The following NDUFAF6 variants were observed in gnomAD, a reference collection of about 807,000 sequenced individuals.
NDUFAF6 encodes NADH dehydrogenase (ubiquinone) complex I, assembly factor 6.
NDUFAF6 carries 45 observed loss-of-function variants against 40.8 expected under a neutral mutation model. The ratio of observed to expected loss-of-function variants is 1.10; its 90% CI spans 0.87 to 1.42. NDUFAF6 has a LOEUF of 1.42. Among genes scored for constraint, NDUFAF6 ranks in the 40% most tolerant of loss-of-function variants. The pLI is 0.00. For missense variants in NDUFAF6, 435 were observed against 418.5 expected, an observed-to-expected ratio of 1.04 and a Z score of -0.34; for synonymous variants, 185 against 155.9, an observed-to-expected ratio of 1.19 and a Z score of -1.39.
chr8:94,973,663 G>A (rs1192617650), intron 1 of NDUFAF6, among the ~76,000 whole-genome samples: 21 of 148,700 alleles, frequency 1.4e-4, no homozygotes, highest in East Asian at 4.0e-4. Context: ...AGCTAAGATC[G>A]CACCACTGCA....
intron 1 of NDUFAF6, among the ~76,000 whole-genome samples, chr8:94,978,915 C>T (rs1455595969): frequency 1.3e-5 from 2 of 152,134 alleles, no homozygotes; most frequent in South Asian, 2.1e-4. Flanking sequence ...CCTGTGGCAT[C>T]TACAGTAACT....
intron 8 of NDUFAF6, among the ~76,000 whole-genome samples, chr8:95,053,922 C>T (rs542479180): frequency 5.9e-5 from 7 of 119,110 alleles, no homozygotes; most frequent in Admixed American, 2.9e-4. Flanking sequence ...CCACCGTGCC[C>T]GGCTTTTTTT....
chr8:95,006,091 C>G (rs1287647250), intron 2 of NDUFAF6, among the ~76,000 whole-genome samples: 1 of 152,100 alleles, frequency 6.6e-6, no homozygotes, highest in Admixed American at 6.5e-5. Flanking sequence ...GGCGCGGTGG[C>G]TCACGCCTGT....
At chr8:94,979,930 T>G (rs192637064) in intron 1 of NDUFAF6, among the ~76,000 whole-genome samples, 298 of 152,150 alleles carry the variant, frequency 2.0e-3, no homozygotes, top group African/African-American at 6.8e-3. Flanking sequence ...ACCTCATCTC[T>G]ACTGAAAATA....
intron 2 of NDUFAF6, among the ~76,000 whole-genome samples, chr8:94,982,429 A>G (rs962651219): frequency 2.0e-5 from 3 of 152,224 alleles, no homozygotes; most frequent in African/African-American, 7.2e-5. Context: ...ACTCTATGAT[A>G]TTTGAACAAT....
At chr8:94,978,148 C>T (rs1306102716) in intron 1 of NDUFAF6, among the ~76,000 whole-genome samples, 1 of 152,116 alleles carries the variant, frequency 6.6e-6, no homozygotes, top group Non-Finnish European at 1.5e-5. Context: ...AGCAGAAAGA[C>T]CAAGCCATGA....
chr8:95,063,454 G>T (rs577771699), downstream of NDUFAF6, among the ~76,000 whole-genome samples: 216 of 152,106 alleles, frequency 1.4e-3, 2 homozygotes, highest in Non-Finnish European at 3.5e-4. Context: ...AAAATTATCC[G>T]GGCATGGTGG....
At chr8:95,041,763 C>A in intron 4 of NDUFAF6, 137 bp downstream of exon 4, 2 of 758,498 alleles carry the variant, frequency 2.6e-6, no homozygotes, top group African/African-American at 1.7e-5. Flanking sequence ...CCATTTTATT[C>A]ATACTTTACC....
At chr8:95,024,787 G>A (rs979627463), upstream of NDUFAF6, among the ~76,000 whole-genome samples, 2 of 152,234 alleles carry the variant, frequency 1.3e-5, no homozygotes, top group African/African-American at 4.8e-5. Context: ...AGCCCAGGAG[G>A]GGTCGGACGG....
chr8:95,052,092 G>A, intron 7 of NDUFAF6, 82 bp from the exon 8 acceptor site: 1 of 1,331,398 alleles, frequency 7.5e-7, no homozygotes, highest in Non-Finnish European at 1.1e-6. Context: ...TATCAGTATT[G>A]TTAAACTGCT....
intron 4 of NDUFAF6, among the ~76,000 whole-genome samples, chr8:95,045,178 G>T (rs999664682): frequency 6.6e-6 from 1 of 152,014 alleles, no homozygotes; most frequent in Admixed American, 6.6e-5. Context: ...ATCTCTTGGA[G>T]GGGGGGTTGT....
chr8:94,958,272 G>C (rs576693160), intron 1 of NDUFAF6: 2 of 152,350 alleles, frequency 1.3e-5, no homozygotes, highest in South Asian at 4.1e-4. Flanking sequence ...GAACAGAAAG[G>C]TATTTTCTTG....
rs1832455139 is a variant in NDUFAF6, at chr8:95,058,461, C to T, written c.*524C>T. The T allele has an allele frequency of 5.7e-6, 7 of 1,230,120 alleles. No individual in the cohort carries two copies. In the South Asian group the frequency reaches 2.1e-4, roughly 37 times the overall value. The allele number at this position is 1,230,120 out of a possible 1,614,324, so 76.2% of individuals were successfully genotyped here. A position where few individuals can be genotyped will look rare whatever the true frequency, so the allele number is the denominator to read the frequency against. On this transcript the variant is annotated 3_prime_UTR_variant, in exon 9 of 9. Transcript: ENST00000396124. ...TTTTATCCTTAACGTTTAATTTTTA[C>T]AATCTTGTGTAAAAATTTATCCATG...
At chr8:95,031,847 C>G in intron 1 of NDUFAF6, 148 bp from the exon 2 acceptor site, 3 of 705,042 alleles carry the variant, frequency 4.3e-6, no homozygotes, top group East Asian at 2.9e-5. Context: ...GTGATCCGCC[C>G]GCCTTGGCCT....
At chr8:95,112,731 C>T (rs1203691100) in intron 4 of NDUFAF6, among the ~76,000 whole-genome samples, 2 of 152,196 alleles carry the variant, frequency 1.3e-5, no homozygotes, top group Non-Finnish European at 2.9e-5. Context: ...ATGCTCCTGC[C>T]GATTCCTCTC....
At chr8:94,959,250 T>A (rs1279789604) in intron 1 of NDUFAF6, among the ~76,000 whole-genome samples, 1 of 152,162 alleles carries the variant, frequency 6.6e-6, no homozygotes, top group African/African-American at 2.4e-5. Context: ...ATTCCTGTCT[T>A]TGAGAGCAGC....
intron 2 of NDUFAF6, among the ~76,000 whole-genome samples, chr8:95,102,293 G>C (rs1311921135): frequency 1.3e-5 from 2 of 152,226 alleles, no homozygotes; most frequent in Non-Finnish European, 2.9e-5. Flanking sequence ...ACCACACCCA[G>C]CCAATCTAAA....
intron 5 of NDUFAF6, among the ~76,000 whole-genome samples, 199 bp downstream of exon 5, chr8:95,045,846 A>G (rs991273393): frequency 1.3e-5 from 2 of 152,112 alleles, no homozygotes; most frequent in African/African-American, 4.8e-5. Context: ...GAGTAATCCA[A>G]GACTCAGGCT....
chr8:94,943,062 G>A (rs1265089049), intron 1 of NDUFAF6, among the ~76,000 whole-genome samples: 1 of 152,206 alleles, frequency 6.6e-6, no homozygotes, highest in Non-Finnish European at 1.5e-5. Context: ...GTAAATTGGG[G>A]GGATATGCAA....
Sources: allele counts gnomAD v4.1 joint callset (sites outside exome capture counted in the v4.1 genomes callset), GRCh38; gene constraint gnomAD v4.1.1; transcripts MANE v1.5; gene names NCBI Gene and HGNC (gene_info 2026-07-23, HGNC 2026-07-21).